PGPEP1: variants seen among roughly 807,000 people sequenced by gnomAD.
PGPEP1 encodes pyroglutamyl-peptidase I.
PGPEP1 carries 15 observed loss-of-function variants against 24.1 expected under a neutral mutation model. That is an observed-to-expected ratio of 0.62 (90% CI 0.42 to 0.96). PGPEP1 has a LOEUF of 0.96. Among genes scored for constraint, PGPEP1 ranks in the 40% least tolerant of loss-of-function variants. PGPEP1 has a pLI of 0.00. For missense variants in PGPEP1, 242 were observed against 273.4 expected (o/e 0.89, Z 0.81); for synonymous variants, 122 against 116.4 (o/e 1.05, Z -0.31).
At chr19:18,358,099 AGCTGGTG>A (rs1368775510) in intron 4 of PGPEP1, 1 of 189,890 alleles carries the variant, frequency 5.3e-6, no homozygotes, top group Non-Finnish European at 1.1e-5. Flanking sequence ...TCTCTCCTGC[AGCTGGTG>A]GCTGCTGGCC....
rs533993457 is a variant in PGPEP1, at chr19:18,367,605, AAAAG to A, written c.*4026_*4029del. ...GCATGCGTGTGGGGATGTAGCTCAA[AAAAG>A]AAATAAGATGGAGTGGAAAGGAAAG... On this transcript the variant is annotated 3_prime_UTR_variant, in exon 5 of 5. Coordinates refer to ENST00000269919, the MANE Select transcript of PGPEP1 (RefSeq NM_017712.4). 184 of 152,208 alleles carry A rather than the reference AAAAG, an allele frequency of 1.2e-3. No individual in the cohort carries two copies. The highest frequency in any genetic ancestry group is 2.2e-3 in the Non-Finnish European group (147 of 68,050). 9.4% of individuals were successfully genotyped at this position (152,208 alleles called of 1,614,324 possible).
intron 2 of PGPEP1, among the ~76,000 whole-genome samples, chr19:18,343,833 C>A (rs1352391988): frequency 6.6e-6 from 1 of 151,944 alleles, no homozygotes; most frequent in Non-Finnish European, 1.5e-5. Context: ...CAGGCACCTG[C>A]TACCACGCCT....
intron 2 of PGPEP1, among the ~76,000 whole-genome samples, chr19:18,345,571 TACAA>T (rs1327191045): frequency 7.0e-6 from 1 of 143,120 alleles, no homozygotes; most frequent in African/African-American, 2.6e-5. Context: ...AAAAAAAAAA[TACAA>T]ACAGCCGGGA....
intron 2 of PGPEP1, among the ~76,000 whole-genome samples, chr19:18,350,387 G>A (rs888043318): frequency 2.6e-5 from 4 of 152,118 alleles, no homozygotes; most frequent in South Asian, 2.1e-4. Context: ...AGGGGAAGAC[G>A]CATTTATAAA....
chr19:18,344,968 C>G (rs1970790413), intron 2 of PGPEP1, among the ~76,000 whole-genome samples: 1 of 152,066 alleles, frequency 6.6e-6, no homozygotes, highest in Admixed American at 6.6e-5. Context: ...CTCCTTGGTT[C>G]TCCTCTCTCC....
At chr19:18,361,414 CAG>C (rs1219877134) in intron 4 of PGPEP1, among the ~76,000 whole-genome samples, 8 of 152,134 alleles carry the variant, frequency 5.3e-5, no homozygotes, top group African/African-American at 1.9e-4. Flanking sequence ...GCTGGGATTA[CAG>C]GCGTGAGCCA....
At chr19:18,340,802 T>C in intron 1 of PGPEP1, 87 bp downstream of exon 1, 2 of 984,010 alleles carry the variant, frequency 2.0e-6, no homozygotes, top group Non-Finnish European at 2.7e-6. Context: ...GAGGGGCAGG[T>C]GCTGGAAGTC....
rs547040208 is a variant in PGPEP1 at position 18,354,112 on chromosome 19, G to A, written c.88-1783G>A. ...TAGCTGGGCGTGATCCCGCATGTCT[G>A]TAATCCCAGCTACTGGGGAGGCTGA... On this transcript the variant is annotated intron_variant, in intron 2 of 4. Coordinates refer to ENST00000269919, the MANE Select transcript of PGPEP1 (RefSeq NM_017712.4). 1.0e-3 allele frequency among the ~76,000 whole-genome samples: 154 copies of A among 152,278 alleles called. 3 individuals are homozygous for A. In the South Asian group the frequency reaches 0.03, roughly 30 times the overall value.
intron 2 of PGPEP1, among the ~76,000 whole-genome samples, chr19:18,354,870 A>T (rs1445841723): frequency 6.6e-6 from 1 of 152,002 alleles, no homozygotes; most frequent in African/African-American, 2.4e-5. Flanking sequence ...TGTCATTTGA[A>T]CACTTAAAAT....
intron 2 of PGPEP1, among the ~76,000 whole-genome samples, chr19:18,353,562 G>A (rs985051318): frequency 6.6e-6 from 1 of 152,106 alleles, no homozygotes; most frequent in African/African-American, 2.4e-5. Context: ...CACTCACTGT[G>A]TTGCGCAACC....
At position 18,364,102 on chromosome 19, in the gene PGPEP1, T is replaced by TGC. The variant is rs1971446208; in HGVS notation, c.*519_*520insGC. The TGC allele has an allele frequency of 6.9e-6, 1 of 143,900 alleles. No homozygotes were observed. Among genetic ancestry groups the TGC allele is most frequent in the Non-Finnish European group, 1.5e-5 (1 of 67,232 alleles). 8.9% of individuals were successfully genotyped at this position (143,900 alleles called of 1,614,324 possible). ...TGGCTGGCTTTCTTTCTTTCTTTCT[T>TGC]TCTTTCTTTCTTGCTTTCTTTCTTT... On this transcript the variant is annotated 3_prime_UTR_variant, in exon 5 of 5. Transcript: ENST00000269919.
intron 4 of PGPEP1, among the ~76,000 whole-genome samples, chr19:18,360,512 T>A (rs1369580883): frequency 2.0e-5 from 3 of 147,088 alleles, no homozygotes; most frequent in African/African-American, 8.2e-5. Context: ...GCTAATTTAT[T>A]TTTTATTTTT....
At chr19:18,340,865 T>G in intron 1 of PGPEP1, 150 bp downstream of exon 1, 1 of 569,250 alleles carries the variant, frequency 1.8e-6, no homozygotes, top group South Asian at 4.2e-5. Flanking sequence ...CAGCCCAGGC[T>G]TCCTGGAAAG....
At chr19:18,358,893 G>A (rs947012665) in intron 4 of PGPEP1, among the ~76,000 whole-genome samples, 1 of 152,182 alleles carries the variant, frequency 6.6e-6, no homozygotes, top group Non-Finnish European at 1.5e-5. Flanking sequence ...TGGGATTATA[G>A]GCATGAGCCA....
chr19:18,347,929 G>A (rs752369981), intron 2 of PGPEP1, among the ~76,000 whole-genome samples: 31 of 152,304 alleles, frequency 2.0e-4, no homozygotes, highest in Non-Finnish European at 4.1e-4. Flanking sequence ...ACCGCGCCCG[G>A]CCTGTCTCCG....
chr19:18,341,801 A>C (rs1253760717), intron 1 of PGPEP1, among the ~76,000 whole-genome samples: 2 of 152,114 alleles, frequency 1.3e-5, no homozygotes, highest in Non-Finnish European at 2.9e-5. Flanking sequence ...GTACAGAAGG[A>C]TAGAGTTAGG....
chr19:18,354,264 G>A (rs1422499258), intron 2 of PGPEP1, among the ~76,000 whole-genome samples: 1 of 151,658 alleles, frequency 6.6e-6, no homozygotes, highest in Non-Finnish European at 1.5e-5. Context: ...GGGAGGCAGA[G>A]GCAGGTAGAT....
intron 2 of PGPEP1, among the ~76,000 whole-genome samples, chr19:18,343,206 G>T (rs982399703): frequency 1.3e-5 from 2 of 151,880 alleles, no homozygotes; most frequent in African/African-American, 4.8e-5. Context: ...CACCATGTTG[G>T]CCAGGCTGGT....
At position 18,367,910 on chromosome 19, in the gene PGPEP1, T is replaced by G. The variant is rs1336709227; in HGVS notation, c.*4327T>G. 1.3e-5 allele frequency: 2 copies of G among 152,020 alleles called. No individual in the cohort carries two copies. The highest frequency in any genetic ancestry group is 4.8e-5 in the African/African-American group (2 of 41,312). The allele number at this position is 152,020 out of a possible 1,614,324, so 9.4% of individuals were successfully genotyped here. On this transcript the variant is annotated 3_prime_UTR_variant, in exon 5 of 5. Coordinates refer to ENST00000269919, the MANE Select transcript of PGPEP1 (RefSeq NM_017712.4). ...TGGGAGGCTGAGGTGGGAGGATTGCTTGAGCCCGGGAGTTCGAGACCAGCC... is the reference window on the plus strand; with the variant it reads ...TGGGAGGCTGAGGTGGGAGGATTGCGTGAGCCCGGGAGTTCGAGACCAGCC...
Sources: gnomAD v4.1 joint callset for allele counts (sites outside exome capture counted in the v4.1 genomes callset) on GRCh38, gnomAD v4.1.1 for gene constraint, MANE v1.5 for transcripts, NCBI Gene and HGNC (gene_info 2026-07-23, HGNC 2026-07-21) for gene names.